RABGEF1: variants seen among roughly 807,000 people sequenced by gnomAD.
The protein encoded by RABGEF1 is rab5 GDP/GTP exchange factor.
RABGEF1 carries 26 observed loss-of-function variants against 57.3 expected under a neutral mutation model. The ratio of observed to expected loss-of-function variants is 0.45; its 90% CI spans 0.33 to 0.63. The LOEUF (loss-of-function observed/expected upper bound fraction) is 0.63, where lower values mean the gene tolerates loss of function less well. RABGEF1 is among the 20% of genes least tolerant of loss of function. RABGEF1 has a pLI of 0.02. For synonymous variants in RABGEF1, 185 were observed against 210.7 expected, an observed-to-expected ratio of 0.88 and a Z score of 1.06; for missense variants, 464 against 607.6, an observed-to-expected ratio of 0.76 and a Z score of 2.48.
intron 1 of RABGEF1, among the ~76,000 whole-genome samples, chr7:66,741,321 GGA>G (rs1319995737): frequency 6.6e-6 from 1 of 152,212 alleles, no homozygotes; most frequent in African/African-American, 2.4e-5. Flanking sequence ...CCCGGAGTTG[GGA>G]GGGGATTTGA....
chr7:66,655,494 G>T, the RABGEF1 span, among the ~76,000 whole-genome samples: 1 of 152,126 alleles, frequency 6.6e-6, no homozygotes, highest in Non-Finnish European at 1.5e-5. Flanking sequence ...TTTTTGGCTT[G>T]GAGAGCTACT....
intron 2 of RABGEF1, among the ~76,000 whole-genome samples, chr7:66,732,749 C>T (rs117634543): frequency 0.015 from 2,225 of 152,114 alleles, 61 homozygotes; most frequent in East Asian, 0.093. Context: ...CTGTCTCTCT[C>T]GCTCTCTTGC....
At chr7:66,794,234 CTTATTA>C (rs1170744955) in intron 4 of RABGEF1, among the ~76,000 whole-genome samples, 1 of 66,314 alleles carries the variant, frequency 1.5e-5, no homozygotes, top group Non-Finnish European at 3.2e-5. Flanking sequence ...TTTTTTTTTA[CTTATTA>C]TTGTTAAAAA....
chr7:66,725,283 A>G lies in RABGEF1; in HGVS notation c.-815+13059A>G, dbSNP rs141815835. Among the ~76,000 whole-genome samples, 170 of 152,300 alleles carry G rather than the reference A, an allele frequency of 1.1e-3. 5 individuals carry two copies. In the East Asian group the frequency reaches 0.031, roughly 28 times the overall value. ...AGTATATTCAGAGAATTGTACATCC[A>G]TCATCATAATCAATTTTACAATATT... On this transcript the variant is annotated intron_variant and NMD_transcript_variant, in intron 2 of 9. Coordinates refer to the RABGEF1 transcript ENST00000607882.
At chr7:66,773,218 G>A (rs1179448171) in intron 2 of RABGEF1, among the ~76,000 whole-genome samples, 4 of 151,980 alleles carry the variant, frequency 2.6e-5, no homozygotes, top group African/African-American at 4.8e-5. Context: ...AATTTTAGCC[G>A]AGAACATGAA....
intron 4 of RABGEF1, among the ~76,000 whole-genome samples, chr7:66,787,067 G>A (rs188749790): frequency 1.3e-5 from 2 of 151,616 alleles, no homozygotes; most frequent in Admixed American, 1.3e-4. Flanking sequence ...TGCTCTGTTG[G>A]CCAGGCTGGA....
At chr7:66,702,989 GAGA>G (rs1366883302) in intron 1 of RABGEF1, among the ~76,000 whole-genome samples, 4 of 151,970 alleles carry the variant, frequency 2.6e-5, no homozygotes, top group Non-Finnish European at 5.9e-5. Context: ...GTTTGTTTTT[GAGA>G]AGGAGTCTCG....
chr7:66,784,826 A>T (rs1810778852), intron 4 of RABGEF1, among the ~76,000 whole-genome samples: 1 of 152,092 alleles, frequency 6.6e-6, no homozygotes, highest in African/African-American at 2.4e-5. Flanking sequence ...AGAGTAAAAC[A>T]TTTAGAGTCA....
intron 8 of RABGEF1, among the ~76,000 whole-genome samples, chr7:66,807,234 C>T (rs139509579): frequency 3.3e-5 from 5 of 152,280 alleles, no homozygotes; most frequent in African/African-American, 1.2e-4. Flanking sequence ...TCTTGCCTGA[C>T]TCAGAGTCTG....
chr7:66,749,796 C>T (rs1801007673), intron 1 of RABGEF1, among the ~76,000 whole-genome samples: 1 of 151,960 alleles, frequency 6.6e-6, no homozygotes, highest in South Asian at 2.1e-4. Flanking sequence ...ACAGTTAAAC[C>T]CCGTCTCTAC....
upstream of RABGEF1, among the ~76,000 whole-genome samples, chr7:66,679,436 G>A (rs1301643109): frequency 6.6e-6 from 1 of 152,148 alleles, no homozygotes; most frequent in Non-Finnish European, 1.5e-5. Flanking sequence ...GGCCTCCAGA[G>A]TAGCTGGGAC....
chr7:66,773,625 CT>C (rs1158977474), intron 2 of RABGEF1: 17 of 452,502 alleles, frequency 3.8e-5, no homozygotes, highest in Admixed American at 1.9e-4. Flanking sequence ...GGGAATCATA[CT>C]TGGAAAATCA....
intron 1 of RABGEF1, among the ~76,000 whole-genome samples, chr7:66,705,476 A>G (rs1247885345): frequency 7.1e-6 from 1 of 140,594 alleles, no homozygotes; most frequent in Admixed American, 7.2e-5. Flanking sequence ...AGAGAGAGAG[A>G]GAGAGAGAGA....
rs185577259 is a variant in RABGEF1 at position 66,774,127 on chromosome 7, T to C, written c.180-1100T>C. Among the ~76,000 whole-genome samples, 10 of 152,370 alleles carry C rather than the reference T, an allele frequency of 6.6e-5. No homozygotes were observed. The East Asian group carries it at 1.9e-3, about 29-fold the overall frequency. Reference sequence around the variant, plus strand: ...TACCAAGTTAGCTAAAAAACCTTGGTTTCATTCTTGATTTCTCTTTTATCT... The same window carrying C: ...TACCAAGTTAGCTAAAAAACCTTGGCTTCATTCTTGATTTCTCTTTTATCT... On this transcript the variant is annotated intron_variant, in intron 2 of 8. Coordinates refer to ENST00000284957, the MANE Select transcript of RABGEF1 (RefSeq NM_014504.3).
At chr7:66,722,955 T>C (rs1163433221) in intron 2 of RABGEF1, among the ~76,000 whole-genome samples, 1 of 152,088 alleles carries the variant, frequency 6.6e-6, no homozygotes, top group Non-Finnish European at 1.5e-5. Flanking sequence ...TCTTCTTTAA[T>C]TACTGTTTCT....
chr7:66,791,639 A>G (rs1318965963), intron 4 of RABGEF1, among the ~76,000 whole-genome samples: 1 of 152,244 alleles, frequency 6.6e-6, no homozygotes, highest in Admixed American at 6.5e-5. Context: ...AACATAGGCA[A>G]GGAAAATAGT....
At chr7:66,692,880 C>G (rs567012407) in intron 1 of RABGEF1, among the ~76,000 whole-genome samples, 1 of 152,362 alleles carries the variant, frequency 6.6e-6, no homozygotes, top group African/African-American at 2.4e-5. Flanking sequence ...CTGGCACCTA[C>G]ATCCTGGCTG....
chr7:66,804,125 C>G (rs1033120359), intron 7 of RABGEF1, among the ~76,000 whole-genome samples: 1 of 151,062 alleles, frequency 6.6e-6, no homozygotes, highest in Non-Finnish European at 1.5e-5. Context: ...GCTCTGTTGC[C>G]CAGGCTGGAG....
At chr7:66,725,247 T>C (rs570569191) in intron 2 of RABGEF1, among the ~76,000 whole-genome samples, 8 of 152,332 alleles carry the variant, frequency 5.3e-5, no homozygotes, top group Non-Finnish European at 1.0e-4. Flanking sequence ...ATGTACACTT[T>C]AATGACCTTT....
Sources: gnomAD v4.1 joint callset for allele counts (sites outside exome capture counted in the v4.1 genomes callset) on GRCh38, gnomAD v4.1.1 for gene constraint, MANE v1.5 for transcripts, NCBI Gene and HGNC (gene_info 2026-07-23, HGNC 2026-07-21) for gene names.